Variants in GLMN observed in about 807,000 individuals in gnomAD.
GLMN encodes glomulin.
Under a neutral mutation model 87.8 loss-of-function variants are expected in GLMN, and 75 were observed. That is an observed-to-expected ratio of 0.85 (90% CI 0.71 to 1.04). The LOEUF (loss-of-function observed/expected upper bound fraction) is 1.04, where lower values mean the gene tolerates loss of function less well. Ranked by LOEUF, GLMN falls within the 50% of genes least tolerant of loss-of-function variation. The pLI is 0.00. For synonymous variants in GLMN, 206 were observed against 221.6 expected (o/e 0.93, Z 0.63); for missense variants, 588 against 658.8 (o/e 0.89, Z 1.18).
At chr1:92,295,919 A>C (rs2101063593) in intron 3 of GLMN, among the ~76,000 whole-genome samples, 1 of 152,358 alleles carries the variant, frequency 6.6e-6, no homozygotes, top group South Asian at 2.1e-4. Context: ...TAAGTACTTT[A>C]GAAGGTTATC....
At chr1:92,307,407 G>A in the GLMN span, 2 of 579,786 alleles carry the variant, frequency 3.4e-6, no homozygotes, top group Non-Finnish European at 2.9e-6. Flanking sequence ...ATGGGGAAAT[G>A]GTTATATTTT....
chr1:92,360,543 G>A, the GLMN span, among the ~76,000 whole-genome samples: 131,369 of 152,174 alleles, frequency 0.86, 57,131 homozygotes, highest in East Asian at 1. Flanking sequence ...GGAAGGAGAC[G>A]TTAGACAGGC....
intron 16 of GLMN, among the ~76,000 whole-genome samples, chr1:92,250,101 C>T (rs186222932): frequency 1.7e-4 from 26 of 152,002 alleles, no homozygotes; most frequent in Admixed American, 1.4e-3. Context: ...CTCTCTGTTA[C>T]CCACTAAAGC....
Position 92,261,512 on chromosome 1 carries a change from A to G in GLMN, c.1473+1351T>C, listed in dbSNP as rs72958751. On this transcript the variant is annotated intron_variant, in intron 16 of 18. Transcript: ENST00000370360. ...GAATGATATACAGCACTTGGGCAGA[A>G]TAGTGGTTGTCCCTGGCAGGGGTGA... 9.9e-3 allele frequency among the ~76,000 whole-genome samples: 1,501 copies of G among 152,264 alleles called. 24 individuals carry two copies. The highest frequency in any genetic ancestry group is 0.035 in the African/African-American group (1,437 of 41,556).
rs1227385010 is a variant in GLMN at position 92,246,622 on chromosome 1, A to C, written c.1693T>G (p.Phe565Val). Residue 565 changes from phenylalanine (F) to valine (V), a missense_variant, in exon 19 of 19, where the codon TTT becomes GTT. Coordinates refer to ENST00000370360, the MANE Select transcript of GLMN (RefSeq NM_053274.3). ...LKVLHSALFT[F>V]DLIESVLARV... Reference sequence around the variant, plus strand: ...GCTAGAACACTTTCAATCAAATCAAATGTGAAAAGAGCTGAATGCAGGACC... The same window carrying C: ...GCTAGAACACTTTCAATCAAATCAACTGTGAAAAGAGCTGAATGCAGGACC... 1 of 1,588,652 alleles carries C rather than the reference A, an allele frequency of 6.3e-7. No homozygotes were observed. The highest frequency in any genetic ancestry group is 8.6e-7 in the Non-Finnish European group (1 of 1,156,778).
intron 3 of GLMN, 93 bp from the exon 4 acceptor site, chr1:92,291,630 T>A: frequency 3.9e-6 from 5 of 1,271,676 alleles, no homozygotes; most frequent in Middle Eastern, 1.9e-4. Context: ...GAATTGTTTC[T>A]GAAATAGGAA....
the GLMN span, among the ~76,000 whole-genome samples, chr1:92,329,217 C>T: frequency 6.6e-6 from 1 of 152,110 alleles, no homozygotes; most frequent in Non-Finnish European, 1.5e-5. Flanking sequence ...CATAGAGCTC[C>T]CAAGAGATTA....
the GLMN span, among the ~76,000 whole-genome samples, chr1:92,312,902 A>G: frequency 1.3e-5 from 2 of 150,974 alleles, no homozygotes; most frequent in African/African-American, 4.9e-5. Flanking sequence ...GCTCACTACA[A>G]CCTCTGCCTC....
At chr1:92,305,027 C>T in the GLMN span, among the ~76,000 whole-genome samples, 1 of 152,046 alleles carries the variant, frequency 6.6e-6, no homozygotes, top group Non-Finnish European at 1.5e-5. Context: ...CCCAGCTACT[C>T]AGAAAGCTGA....
the GLMN span, among the ~76,000 whole-genome samples, chr1:92,370,827 C>CATTT: frequency 1.3e-5 from 2 of 152,110 alleles, no homozygotes; most frequent in African/African-American, 4.8e-5. Context: ...CTGCTATTCT[C>CATTT]ATTTACCTAA....
chr1:92,275,392 G>A (rs1482692381), intron 7 of GLMN, among the ~76,000 whole-genome samples: 1 of 152,102 alleles, frequency 6.6e-6, no homozygotes, highest in Non-Finnish European at 1.5e-5. Context: ...TTATGGCCTT[G>A]ATACTATGTC....
At chr1:92,275,851 T>C (rs930887343) in intron 7 of GLMN, among the ~76,000 whole-genome samples, 4 of 152,216 alleles carry the variant, frequency 2.6e-5, no homozygotes, top group Non-Finnish European at 4.4e-5. Flanking sequence ...TCATTTTAAG[T>C]GCTGGTACTC....
At chr1:92,342,600 G>A in the GLMN span, among the ~76,000 whole-genome samples, 32 of 152,272 alleles carry the variant, frequency 2.1e-4, no homozygotes, top group African/African-American at 6.3e-4. Context: ...CAGATGGGCC[G>A]AGGCAGAGAG....
the GLMN span, among the ~76,000 whole-genome samples, chr1:92,314,452 A>G: frequency 6.6e-6 from 1 of 151,942 alleles, no homozygotes; most frequent in Admixed American, 6.6e-5. Flanking sequence ...CTCACAACTG[A>G]TAGACTCTTA....
At chr1:92,323,881 A>T in the GLMN span, 1 of 1,614,124 alleles carries the variant, frequency 6.2e-7, no homozygotes, top group Non-Finnish European at 8.5e-7. Context: ...TGAATACAGT[A>T]GGTCAGAAAT....
At chr1:92,260,270 AT>A (rs1366819871) in intron 16 of GLMN, among the ~76,000 whole-genome samples, 1 of 152,178 alleles carries the variant, frequency 6.6e-6, no homozygotes, top group African/African-American at 2.4e-5. Flanking sequence ...TTATAAAGCA[AT>A]AATTTAGAAT....
chr1:92,267,597 G>A (rs143045044), intron 11 of GLMN, among the ~76,000 whole-genome samples: 20 of 151,876 alleles, frequency 1.3e-4, no homozygotes, highest in African/African-American at 4.4e-4. Context: ...CCAGCTACTC[G>A]GGAGGCTGAG....
At chr1:92,319,823 A>T in the GLMN span, among the ~76,000 whole-genome samples, 2 of 152,114 alleles carry the variant, frequency 1.3e-5, no homozygotes, top group African/African-American at 4.8e-5. Context: ...ACATGGAGAA[A>T]CCCCATCTCT....
chr1:92,253,122 GAGAA>G (rs1212729919), intron 16 of GLMN, among the ~76,000 whole-genome samples: 1 of 152,114 alleles, frequency 6.6e-6, no homozygotes, highest in Non-Finnish European at 1.5e-5. Flanking sequence ...TTTTATCTTA[GAGAA>G]AGAAACAACT....
Sources: gnomAD v4.1 joint callset for allele counts (sites outside exome capture counted in the v4.1 genomes callset) on GRCh38, gnomAD v4.1.1 for gene constraint, MANE v1.5 for transcripts, NCBI Gene and HGNC (gene_info 2026-07-23, HGNC 2026-07-21) for gene names.